Variants in ATRN observed in about 807,000 individuals in gnomAD.
ATRN encodes the protein attractin.
A neutral mutation model predicts 178.7 loss-of-function variants in ATRN; 54 were observed. The observed-to-expected ratio is 0.30, with a 90% CI of 0.24 to 0.38. The LOEUF (loss-of-function observed/expected upper bound fraction) is 0.38. Ranked by LOEUF, ATRN falls within the 10% of genes least tolerant of loss-of-function variation. ATRN has a pLI of 1.00. For missense variants in ATRN, 1,443 were observed against 1,815.1 expected (o/e 0.79, Z 3.73); for synonymous variants, 636 against 663.0 (o/e 0.96, Z 0.63).
intron 1 of ATRN, among the ~76,000 whole-genome samples, chr20:3,497,530 A>C (rs1488089049): frequency 3.9e-5 from 6 of 152,122 alleles, no homozygotes; most frequent in Non-Finnish European, 8.8e-5. Flanking sequence ...CTGAGAGATC[A>C]GCTGTTAGTC....
intron 18 of ATRN, among the ~76,000 whole-genome samples, chr20:3,587,793 C>T (rs2086378367): frequency 6.6e-6 from 1 of 152,098 alleles, no homozygotes; most frequent in African/African-American, 2.4e-5. Flanking sequence ...ATAAGGTTTG[C>T]ATTGAATCTA....
chr20:3,587,136 T>G (rs2086369342), intron 18 of ATRN, among the ~76,000 whole-genome samples: 1 of 152,228 alleles, frequency 6.6e-6, no homozygotes, highest in Non-Finnish European at 1.5e-5. Flanking sequence ...AAGTCCCTTA[T>G]TGGATATATT....
intron 6 of ATRN, among the ~76,000 whole-genome samples, chr20:3,558,074 C>T (rs556169954): frequency 1.3e-5 from 2 of 152,298 alleles, no homozygotes; most frequent in South Asian, 2.1e-4. Flanking sequence ...TTGCATGTCC[C>T]TCCAAAGTCC....
intron 1 of ATRN, among the ~76,000 whole-genome samples, chr20:3,534,261 C>T (rs1208181786): frequency 4.6e-5 from 7 of 151,928 alleles, no homozygotes; most frequent in Non-Finnish European, 1.0e-4. Context: ...CTCCATGGGG[C>T]CAAAGTCTCA....
rs1302622136 is a variant in ATRN at position 3,591,274 on chromosome 20, A to T, written c.3290A>T (p.Tyr1097Phe). ...TGCGAGACCTGCATATCTGGCTTCTACGGTGATCCCACCAATGGAGGGAAA... is the reference window on the plus strand; with the variant it reads ...TGCGAGACCTGCATATCTGGCTTCTTCGGTGATCCCACCAATGGAGGGAAA... ...KHCETCISGF[Y>F]GDPTNGGKCQ... Residue 1097 changes from tyrosine (Y) to phenylalanine (F), a missense_variant, in exon 19 of 29, where the codon TAC (tyrosine) becomes TTC (phenylalanine). Physicochemically the swap from Tyr to Phe is conservative, Grantham distance 22. Transcript: ENST00000262919. 15 of 1,614,074 alleles carry T rather than the reference A, an allele frequency of 9.3e-6. No individual in the cohort carries two copies. Among genetic ancestry groups the T allele is most frequent in the Non-Finnish European group, 1.3e-5 (15 of 1,180,022 alleles).
intron 25 of ATRN, chr20:3,629,349 T>C: frequency 1.0e-6 from 1 of 963,982 alleles, no homozygotes. Flanking sequence ...TCCACATTTC[T>C]GCTACCAGGA....
chr20:3,558,227 CAA>C (rs1169442491), intron 6 of ATRN, among the ~76,000 whole-genome samples: 1 of 151,990 alleles, frequency 6.6e-6, no homozygotes, highest in Non-Finnish European at 1.5e-5. Context: ...TTTATAGAAA[CAA>C]TATTCTGCAG....
At chr20:3,555,558 A>G (rs901007775) in intron 6 of ATRN, among the ~76,000 whole-genome samples, 2 of 4,028 alleles carry the variant, frequency 5.0e-4, no homozygotes, top group Non-Finnish European at 6.7e-4. Flanking sequence ...GTAGACCACA[A>G]AACAAAATCT....
At chr20:3,552,386 A>C (rs931881839) in intron 6 of ATRN, among the ~76,000 whole-genome samples, 1 of 151,256 alleles carries the variant, frequency 6.6e-6, no homozygotes, top group African/African-American at 2.4e-5. Flanking sequence ...TATGCTCAGC[A>C]TGTCCCACAC....
chr20:3,507,694 AT>A (rs55823401), intron 1 of ATRN, among the ~76,000 whole-genome samples: 1,712 of 114,684 alleles, frequency 0.015, 17 homozygotes, highest in African/African-American at 0.034. Flanking sequence ...AGTTAAAAAT[AT>A]TTTTTTTTTT....
At chr20:3,536,413 G>A (rs967764604) in intron 2 of ATRN, among the ~76,000 whole-genome samples, 3 of 151,956 alleles carry the variant, frequency 2.0e-5, no homozygotes, top group Non-Finnish European at 4.4e-5. Context: ...GTTTCACCAT[G>A]TTGGCCAGGC....
At chr20:3,546,048 C>CTGG (rs1009271203) in intron 4 of ATRN, among the ~76,000 whole-genome samples, 158 bp downstream of exon 4, 18 of 152,248 alleles carry the variant, frequency 1.2e-4, no homozygotes, top group African/African-American at 4.1e-4. Context: ...TCAGTGAGGT[C>CTGG]TGGGCTCTGT....
intron 1 of ATRN, among the ~76,000 whole-genome samples, chr20:3,474,253 T>G (rs1216364332): frequency 6.6e-6 from 1 of 152,190 alleles, no homozygotes; most frequent in Non-Finnish European, 1.5e-5. Flanking sequence ...CCCTGCTTAT[T>G]GTGGACATTC....
chr20:3,638,618 G>A lies in ATRN; in HGVS notation c.3943-210G>A, dbSNP rs2087043147. ...GTACGTTAATATGTATCTCTGACAG[G>A]GGCTTTTAAAAAATATAAGGACAAT... is the stretch of plus-strand genomic sequence containing the variant. On this transcript the variant is annotated intron_variant, in intron 26 of 28. Coordinates refer to ENST00000262919, the MANE Select transcript of ATRN (RefSeq NM_139321.3). This position sits in a 1 kb window ranked among gnomAD's most constrained non-coding sequence, Gnocchi z 4.5. Among the ~76,000 whole-genome samples, 1 of 152,024 alleles carries A rather than the reference G, an allele frequency of 6.6e-6. No homozygotes were observed. The highest frequency in any genetic ancestry group is 1.5e-5 in the Non-Finnish European group (1 of 68,002).
intron 1 of ATRN, among the ~76,000 whole-genome samples, chr20:3,532,773 T>A (rs1423641659): frequency 1.3e-5 from 2 of 151,972 alleles, no homozygotes; most frequent in Non-Finnish European, 2.9e-5. Flanking sequence ...TATACTCTTT[T>A]TTTTTTTGAG....
In ATRN at chr20:3,530,467, G is replaced by T. The variant is rs890483174; in HGVS notation, c.411-4786G>T. ...TTTTTTTTTTTGTATTTTTAGTAGA[G>T]ATGGGTTTTTGCCACGTTGGCTAGG... On this transcript the variant is annotated intron_variant, in intron 1 of 28. Coordinates refer to ENST00000262919, the MANE Select transcript of ATRN (RefSeq NM_139321.3). Among the ~76,000 whole-genome samples the T allele has an allele frequency of 1.3e-5, 2 of 148,560 alleles. 1 individual carries two copies. Among genetic ancestry groups the T allele is most frequent in the African/African-American group, 5.0e-5 (2 of 40,386 alleles).
intron 22 of ATRN, among the ~76,000 whole-genome samples, chr20:3,599,652 G>A (rs2086580289): frequency 6.6e-6 from 1 of 152,186 alleles, no homozygotes; most frequent in Non-Finnish European, 1.5e-5. Flanking sequence ...TGAGTATACA[G>A]AGGGTGGACT....
chr20:3,634,360 C>G lies in ATRN; in HGVS notation c.3913C>G (p.Gln1305Glu). 6.2e-7 allele frequency: 1 copy of G among 1,612,768 alleles called. No individual in the cohort carries two copies. Among genetic ancestry groups the G allele is most frequent in the Non-Finnish European group, 8.5e-7 (1 of 1,178,990 alleles). ...GGCTGCTGTGGTTTGGAAGATCAAA[C>G]AAAGTTGTTGGGCCTCCAGACGTAG... Reference protein sequence around the residue: ...LVAAVVWKIKQSCWASRRREQ... With the variant: ...LVAAVVWKIKESCWASRRREQ... Residue 1305 changes from glutamine (Q) to glutamate (E), a missense_variant, in exon 26 of 29, where the codon CAA becomes GAA. Physicochemically the swap from Gln to Glu is conservative, Grantham distance 29. Around this residue, in one of 4 missense-constraint regions of ATRN, gnomAD observed 289 missense variants for 440.8 expected, o/e 0.66. Coordinates refer to ENST00000262919, the MANE Select transcript of ATRN (RefSeq NM_139321.3).
Position 3,471,531 on chromosome 20 carries a change from G to A in ATRN, c.410+14G>A. The stretch of plus-strand genomic sequence containing the variant: ...GGGCCGCTTCAGGTGAGTGGCGGGT[G>A]GTGTCGGAGGGTCGGGTCCAACCAG... On this transcript the variant is annotated intron_variant, in intron 1 of 28. Coordinates refer to ENST00000262919, the MANE Select transcript of ATRN (RefSeq NM_139321.3). 7.2e-7 allele frequency: 1 copy of A among 1,379,820 alleles called. No homozygotes were observed. The highest frequency in any genetic ancestry group is 9.3e-7 in the Non-Finnish European group (1 of 1,073,842). 85.5% of individuals were successfully genotyped at this position (1,379,820 alleles called of 1,614,324 possible).
Sources: allele counts gnomAD v4.1 joint callset (sites outside exome capture counted in the v4.1 genomes callset), GRCh38; gene constraint gnomAD v4.1.1; regional missense constraint gnomAD v4.1.1; non-coding constraint Gnocchi (gnomAD v3.1); transcripts MANE v1.5; gene names NCBI Gene and HGNC (gene_info 2026-07-23, HGNC 2026-07-21).